PRKG1: variants seen among roughly 807,000 people sequenced by gnomAD.
PRKG1 encodes the protein cGMP-dependent protein kinase 1.
In PRKG1, 35 loss-of-function variants were observed where a neutral mutation model predicts 88.1. The observed-to-expected ratio is 0.40, with a 90% CI of 0.30 to 0.53. The LOEUF (loss-of-function observed/expected upper bound fraction) is 0.53. Ranked by LOEUF, PRKG1 falls within the 20% of genes least tolerant of loss-of-function variation. PRKG1 has a pLI of 0.59. For synonymous variants in PRKG1, 303 were observed against 292.5 expected (o/e 1.04, Z -0.37); for missense variants, 540 against 839.8 (o/e 0.64, Z 4.41).
intron 7 of PRKG1, among the ~76,000 whole-genome samples, chr10:52,067,711 A>G (rs1846386650): frequency 1.4e-5 from 2 of 144,286 alleles, no homozygotes; most frequent in African/African-American, 4.9e-5. Flanking sequence ...TGTTTGGCTC[A>G]AGCATCTTTT....
At chr10:51,499,649 A>C (rs1840965490) in intron 3 of PRKG1, among the ~76,000 whole-genome samples, 1 of 152,212 alleles carries the variant, frequency 6.6e-6, no homozygotes. Context: ...GGTAGTACAC[A>C]TCACTGTGAG....
intron 3 of PRKG1, among the ~76,000 whole-genome samples, chr10:51,596,160 T>C (rs1350255292): frequency 6.6e-6 from 1 of 152,166 alleles, no homozygotes; most frequent in Non-Finnish European, 1.5e-5. Context: ...TTTCTGCCCC[T>C]TTGCTAAATT....
intron 2 of PRKG1, among the ~76,000 whole-genome samples, chr10:51,304,133 A>G (rs981387431): frequency 6.6e-6 from 1 of 152,092 alleles, no homozygotes; most frequent in Non-Finnish European, 1.5e-5. Context: ...ATATTTTAAA[A>G]CATTGTAAAT....
chr10:51,144,061 A>G (rs1438049515), intron 1 of PRKG1, among the ~76,000 whole-genome samples: 1 of 152,044 alleles, frequency 6.6e-6, no homozygotes. Flanking sequence ...GTGTCATGAA[A>G]TATTTCCCCT....
intron 3 of PRKG1, among the ~76,000 whole-genome samples, chr10:51,603,951 C>T (rs1234476284): frequency 6.6e-6 from 1 of 152,168 alleles, no homozygotes; most frequent in Non-Finnish European, 1.5e-5. Flanking sequence ...GGAAAGAACA[C>T]TCCATCCGGA....
At chr10:51,290,740 A>G (rs1329320796) in intron 2 of PRKG1, among the ~76,000 whole-genome samples, 1 of 152,112 alleles carries the variant, frequency 6.6e-6, no homozygotes, top group Non-Finnish European at 1.5e-5. Context: ...ACATTTCCCT[A>G]GCCCGCATAT....
At chr10:52,158,518 C>T (rs1838186359) in intron 8 of PRKG1, among the ~76,000 whole-genome samples, 1 of 151,504 alleles carries the variant, frequency 6.6e-6, no homozygotes, top group South Asian at 2.1e-4. Context: ...TCTATAACAC[C>T]ATCAATTATG....
intron 9 of PRKG1, among the ~76,000 whole-genome samples, chr10:52,204,235 T>C (rs1396726331): frequency 6.6e-6 from 1 of 152,004 alleles, no homozygotes; most frequent in Non-Finnish European, 1.5e-5. Context: ...GTAGCTGAGA[T>C]TACAGGCATG....
intron 2 of PRKG1, among the ~76,000 whole-genome samples, chr10:51,156,878 T>C (rs1412534278): frequency 6.6e-6 from 1 of 151,942 alleles, no homozygotes; most frequent in Non-Finnish European, 1.5e-5. Context: ...ATAAAGAGTA[T>C]ACCATGGTAA....
chr10:51,811,779 C>G (rs577386181), intron 4 of PRKG1, among the ~76,000 whole-genome samples: 1 of 152,124 alleles, frequency 6.6e-6, no homozygotes, highest in Non-Finnish European at 1.5e-5. Flanking sequence ...GTCATATCCT[C>G]TAAGGAAAGA....
At chr10:51,776,956 C>G (rs893518200) in intron 3 of PRKG1, among the ~76,000 whole-genome samples, 1 of 152,180 alleles carries the variant, frequency 6.6e-6, no homozygotes, top group Non-Finnish European at 1.5e-5. Context: ...TATAGAAGCT[C>G]TCTGCTTGAT....
chr10:51,734,048 T>A (rs1312369693), intron 3 of PRKG1, among the ~76,000 whole-genome samples: 3 of 152,124 alleles, frequency 2.0e-5, no homozygotes, highest in Non-Finnish European at 2.9e-5. Flanking sequence ...ATCACCTTTT[T>A]AAAAAAAGTA....
intron 5 of PRKG1, among the ~76,000 whole-genome samples, chr10:51,931,954 A>G (rs963244140): frequency 6.6e-6 from 1 of 152,182 alleles, no homozygotes; most frequent in African/African-American, 2.4e-5. Flanking sequence ...TACCACTATA[A>G]ATCCTTGATA....
Position 51,222,739 on chromosome 10 carries a change from A to T in PRKG1, c.478+69409A>T, listed in dbSNP as rs181746769. ...TTATATTAGGGTGGCCACCATAAGT[A>T]TGAGTACTTCATGAGAAGAGGCCCT... On this transcript the variant is annotated intron_variant, in intron 2 of 17. Coordinates refer to ENST00000373980, the MANE Select transcript of PRKG1 (RefSeq NM_006258.4). Among the ~76,000 whole-genome samples the T allele has an allele frequency of 1.2e-4, 19 of 152,240 alleles. No individual in the cohort carries two copies. In the East Asian group the frequency reaches 3.3e-3, roughly 26 times the overall value.
At chr10:51,284,007 G>A (rs1219082330) in intron 2 of PRKG1, among the ~76,000 whole-genome samples, 1 of 152,116 alleles carries the variant, frequency 6.6e-6, no homozygotes, top group Non-Finnish European at 1.5e-5. Flanking sequence ...AGAACTGTCT[G>A]CTATACATAT....
At chr10:52,094,359 C>T (rs1847125413) in intron 7 of PRKG1, among the ~76,000 whole-genome samples, 1 of 152,018 alleles carries the variant, frequency 6.6e-6, no homozygotes, top group Non-Finnish European at 1.5e-5. Flanking sequence ...AAGCTAATTT[C>T]TTTTTTTGAT....
intron 3 of PRKG1, among the ~76,000 whole-genome samples, chr10:51,481,068 T>C (rs951460004): frequency 6.6e-6 from 1 of 152,150 alleles, no homozygotes; most frequent in Non-Finnish European, 1.5e-5. Context: ...AGAATTAATC[T>C]ATCTTTCTGA....
At chr10:52,246,593 T>C (rs1841028677) in intron 9 of PRKG1, among the ~76,000 whole-genome samples, 1 of 152,102 alleles carries the variant, frequency 6.6e-6, no homozygotes, top group South Asian at 2.1e-4. Context: ...GAGTCCCCTA[T>C]AGGCCAGTTG....
intron 5 of PRKG1, among the ~76,000 whole-genome samples, chr10:52,030,928 AT>A (rs1845460073): frequency 6.6e-6 from 1 of 152,296 alleles, no homozygotes; most frequent in South Asian, 2.1e-4. Flanking sequence ...AAATTATATA[AT>A]GTATTTTATT....
Sources: allele counts gnomAD v4.1 joint callset (sites outside exome capture counted in the v4.1 genomes callset), GRCh38; gene constraint gnomAD v4.1.1; transcripts MANE v1.5; gene names NCBI Gene and HGNC (gene_info 2026-07-23, HGNC 2026-07-21).